PDE1C: variants seen among roughly 807,000 people sequenced by gnomAD.
The protein encoded by PDE1C is phosphodiesterase 1C, also known as dual specificity calcium/calmodulin-dependent 3',5'-cyclic nucleotide phosphodiesterase 1C.
In PDE1C, 62 loss-of-function variants were observed where a neutral mutation model predicts 93.1. The observed-to-expected ratio is 0.67, with a 90% CI of 0.54 to 0.82. The LOEUF (loss-of-function observed/expected upper bound fraction) is 0.82, where lower values mean the gene tolerates loss of function less well. Ranked by LOEUF, PDE1C falls within the 40% of genes least tolerant of loss-of-function variation. The pLI, the probability that PDE1C is intolerant of heterozygous loss-of-function variation, is 0.00. For synonymous variants in PDE1C, 325 were observed against 310.1 expected (o/e 1.05, Z -0.50); for missense variants, 742 against 884.6 (o/e 0.84, Z 2.04).
At chr7:32,253,018 G>A (rs953602401) in intron 1 of PDE1C, among the ~76,000 whole-genome samples, 13 of 152,170 alleles carry the variant, frequency 8.5e-5, no homozygotes, top group Non-Finnish European at 1.8e-4. Context: ...AAGCATAGGT[G>A]TAGCAAATTC....
At chr7:31,854,642 T>C (rs370649761) in intron 7 of PDE1C, among the ~76,000 whole-genome samples, 6 of 152,286 alleles carry the variant, frequency 3.9e-5, no homozygotes, top group Non-Finnish European at 1.5e-5. Flanking sequence ...GGAAAGGACA[T>C]GGCCAATTTC....
At chr7:32,409,620 T>C (rs1036873312) in intron 1 of PDE1C, among the ~76,000 whole-genome samples, 7 of 152,090 alleles carry the variant, frequency 4.6e-5, no homozygotes, top group African/African-American at 1.7e-4. Context: ...TGGAAATATA[T>C]TGATTATCTG....
At chr7:32,118,003 G>A (rs1799078758) in intron 3 of PDE1C, among the ~76,000 whole-genome samples, 1 of 152,204 alleles carries the variant, frequency 6.6e-6, no homozygotes, top group African/African-American at 2.4e-5. Flanking sequence ...AGGAGAGATT[G>A]AGCAAGAGGA....
At chr7:31,848,171 C>A (rs112374297) in intron 8 of PDE1C, 75 bp from the exon 9 acceptor site, 1 of 1,420,536 alleles carries the variant, frequency 7.0e-7, no homozygotes, top group Non-Finnish European at 9.7e-7. Context: ...CAGGCTAGAA[C>A]GCACCACCAC....
intron 1 of PDE1C, among the ~76,000 whole-genome samples, chr7:32,405,239 ATTTTTTC>A (rs1446557259): frequency 7.5e-6 from 1 of 132,596 alleles, no homozygotes; most frequent in African/African-American, 2.7e-5. Context: ...TAATTAACTT[ATTTTTTC>A]TTTTTTCTTT....
chr7:31,671,549 C>T, the PDE1C span, among the ~76,000 whole-genome samples: 1 of 152,140 alleles, frequency 6.6e-6, no homozygotes, highest in Non-Finnish European at 1.5e-5. Context: ...TCTCAGCTGT[C>T]AGTCACCTGC....
At chr7:32,338,462 A>G (rs1397896178) in intron 1 of PDE1C, among the ~76,000 whole-genome samples, 2 of 152,228 alleles carry the variant, frequency 1.3e-5, no homozygotes, top group Non-Finnish European at 2.9e-5. Flanking sequence ...GTTAAAACAA[A>G]ACAAAACAAA....
intron 1 of PDE1C, among the ~76,000 whole-genome samples, chr7:32,297,112 C>T (rs1428280540): frequency 6.6e-6 from 1 of 152,122 alleles, no homozygotes; most frequent in Non-Finnish European, 1.5e-5. Context: ...GAATGGCTTT[C>T]CTGCCTGCAG....
At chr7:32,286,853 A>T (rs2128895156) in intron 1 of PDE1C, among the ~76,000 whole-genome samples, 1 of 152,308 alleles carries the variant, frequency 6.6e-6, no homozygotes, top group Non-Finnish European at 1.5e-5. Flanking sequence ...ATGAATATGG[A>T]TCGTTTTTAT....
At position 32,235,388 on chromosome 7, in the gene PDE1C, T is replaced by C. The variant is rs564519752; in HGVS notation, c.86-25849A>G. On this transcript the variant is annotated intron_variant, in intron 1 of 18. Transcript: ENST00000396193. ...CTGGTCTTATTCATAAGTTACATGA[T>C]TGTCTATGTAGAAAATCCAAGGAAT... 4.8e-4 allele frequency among the ~76,000 whole-genome samples: 72 copies of C among 150,932 alleles called. 2 individuals carry two copies. In the South Asian group the frequency reaches 0.015, roughly 32 times the overall value.
chr7:31,842,361 T>C (rs1185252338), intron 9 of PDE1C, among the ~76,000 whole-genome samples: 1 of 152,120 alleles, frequency 6.6e-6, no homozygotes, highest in Non-Finnish European at 1.5e-5. Context: ...TTGCATAAGA[T>C]TGGTATTATC....
intron 3 of PDE1C, among the ~76,000 whole-genome samples, chr7:32,125,856 AG>A (rs1799549313): frequency 6.6e-6 from 1 of 152,194 alleles, no homozygotes; most frequent in Non-Finnish European, 1.5e-5. Context: ...TTTAAAAAAA[AG>A]AAAAAACATA....
At chr7:32,169,058 T>A (rs988597405) in intron 3 of PDE1C, among the ~76,000 whole-genome samples, 1 of 152,132 alleles carries the variant, frequency 6.6e-6, no homozygotes, top group Non-Finnish European at 1.5e-5. Flanking sequence ...GGAAAAATGA[T>A]TGAGTCTTAA....
chr7:31,736,542 G>A, the PDE1C span, among the ~76,000 whole-genome samples: 4 of 152,154 alleles, frequency 2.6e-5, no homozygotes, highest in South Asian at 8.3e-4. Context: ...TGGTCCAACC[G>A]TGTGGCTTTT....
chr7:32,412,667 C>G (rs1393875787), intron 1 of PDE1C, among the ~76,000 whole-genome samples: 1 of 150,220 alleles, frequency 6.7e-6, no homozygotes, highest in Non-Finnish European at 1.5e-5. Flanking sequence ...ACTCGATTAG[C>G]ATCTTCTTTG....
intron 2 of PDE1C, among the ~76,000 whole-genome samples, chr7:31,999,136 C>A (rs1002149734): frequency 6.6e-6 from 1 of 152,072 alleles, no homozygotes; most frequent in Non-Finnish European, 1.5e-5. Context: ...CACTGTGTAC[C>A]GGGCACTGTG....
At chr7:31,638,966 G>A in the PDE1C span, among the ~76,000 whole-genome samples, 8 of 152,154 alleles carry the variant, frequency 5.3e-5, no homozygotes, top group South Asian at 2.1e-4. Flanking sequence ...TGGTAGACAC[G>A]GGATTTCACC....
At chr7:32,067,498 G>A (rs561612243) in intron 1 of PDE1C, among the ~76,000 whole-genome samples, 16 of 152,188 alleles carry the variant, frequency 1.1e-4, no homozygotes, top group Non-Finnish European at 2.2e-4. Context: ...ACACCTCCCT[G>A]CAATATACTT....
intron 3 of PDE1C, among the ~76,000 whole-genome samples, chr7:32,156,475 T>G (rs1182683961): frequency 6.6e-6 from 1 of 152,230 alleles, no homozygotes; most frequent in Non-Finnish European, 1.5e-5. Context: ...CTTCATATTC[T>G]AAGTCGAAGT....
Sources: allele counts gnomAD v4.1 joint callset (sites outside exome capture counted in the v4.1 genomes callset), GRCh38; gene constraint gnomAD v4.1.1; transcripts MANE v1.5; gene names NCBI Gene and HGNC (gene_info 2026-07-23, HGNC 2026-07-21).